Variants in RBFOX1 observed in about 807,000 individuals in gnomAD.
RBFOX1 encodes the protein RNA binding protein fox-1 homolog 1.
RBFOX1 carries 8 observed loss-of-function variants against 57.7 expected under a neutral mutation model. The ratio of observed to expected loss-of-function variants is 0.14; its 90% CI spans 0.08 to 0.25. The LOEUF is 0.25. Ranked by LOEUF, RBFOX1 falls within the 10% of genes least tolerant of loss-of-function variation. The pLI is 1.00. For synonymous variants in RBFOX1, 326 were observed against 222.4 expected (o/e 1.47, Z -4.15); for missense variants, 611 against 548.5 (o/e 1.11, Z -1.14).
chr16:5,677,970 C>G (rs955511956), intron 3 of RBFOX1, among the ~76,000 whole-genome samples: 1 of 152,218 alleles, frequency 6.6e-6, no homozygotes, highest in Non-Finnish European at 1.5e-5. Context: ...GTCAGATGCT[C>G]ATGGTGGAGC....
intron 3 of RBFOX1, among the ~76,000 whole-genome samples, chr16:6,819,254 C>T (rs2090785317): frequency 1.3e-5 from 2 of 152,192 alleles, no homozygotes; most frequent in African/African-American, 4.8e-5. Context: ...CATCATTTAA[C>T]TTTGTGTCTC....
At chr16:6,881,688 T>G (rs1214922561) in intron 3 of RBFOX1, among the ~76,000 whole-genome samples, 1 of 152,194 alleles carries the variant, frequency 6.6e-6, no homozygotes, top group Non-Finnish European at 1.5e-5. Flanking sequence ...AGTTAAGACT[T>G]CAACGTCTTA....
At chr16:7,360,482 C>G (rs927077941) in intron 4 of RBFOX1, among the ~76,000 whole-genome samples, 4 of 152,112 alleles carry the variant, frequency 2.6e-5, no homozygotes, top group Non-Finnish European at 4.4e-5. Flanking sequence ...TCTTGAAAAA[C>G]TCACATAACC....
intron 4 of RBFOX1, among the ~76,000 whole-genome samples, chr16:5,937,537 C>A (rs940168441): frequency 2.3e-4 from 35 of 151,528 alleles, no homozygotes; most frequent in Middle Eastern, 3.4e-3. Context: ...TATATAGTTA[C>A]ATATTTATAT....
At chr16:6,617,286 C>A (rs1196651980) in intron 2 of RBFOX1, among the ~76,000 whole-genome samples, 2 of 151,816 alleles carry the variant, frequency 1.3e-5, no homozygotes, top group South Asian at 4.2e-4. Flanking sequence ...GGAAAGGGAA[C>A]CTGATCTTCC....
chr16:6,467,755 G>C (rs2153075081), intron 2 of RBFOX1, among the ~76,000 whole-genome samples: 1 of 152,306 alleles, frequency 6.6e-6, no homozygotes, highest in South Asian at 2.1e-4. Flanking sequence ...GTAAGGATTA[G>C]ACCTCATCTG....
intron 3 of RBFOX1, among the ~76,000 whole-genome samples, chr16:5,615,242 G>A (rs1460308033): frequency 6.6e-6 from 1 of 152,104 alleles, no homozygotes. Flanking sequence ...TGTTGCCCAG[G>A]CTTGTCTCTA....
At chr16:6,831,379 A>T (rs1470939695) in intron 3 of RBFOX1, among the ~76,000 whole-genome samples, 2 of 152,206 alleles carry the variant, frequency 1.3e-5, no homozygotes, top group African/African-American at 2.4e-5. Flanking sequence ...CTGAGTTAAC[A>T]TATTTTAGTT....
chr16:5,394,457 T>C (rs2066494640), intron 1 of RBFOX1, among the ~76,000 whole-genome samples: 1 of 152,208 alleles, frequency 6.6e-6, no homozygotes, highest in South Asian at 2.1e-4. Context: ...TTATATCATC[T>C]GGCTCTTCGC....
chr16:7,158,604 C>G (rs1170304033), intron 4 of RBFOX1, among the ~76,000 whole-genome samples: 1 of 151,534 alleles, frequency 6.6e-6, no homozygotes, highest in East Asian at 1.9e-4. Flanking sequence ...TGTCCTGTGA[C>G]CATGTGTTTG....
Position 6,010,797 on chromosome 16 carries a change from C to T in RBFOX1, c.351+143462C>T, listed in dbSNP as rs139293593. ...ACATTTTATCCATTTATTTATATTGCCCTCATATTATCTACTTTATAGTCC... is the reference window on the plus strand; with the variant it reads ...ACATTTTATCCATTTATTTATATTGTCCTCATATTATCTACTTTATAGTCC... On this transcript the variant is annotated intron_variant, in intron 4 of 19. Coordinates refer to the RBFOX1 transcript ENST00000641259. 2.3e-3 allele frequency among the ~76,000 whole-genome samples: 356 copies of T among 152,250 alleles called. 3 individuals are homozygous for T. The highest frequency in any genetic ancestry group is 0.012 in the East Asian group (61 of 5,182).
At chr16:6,726,018 C>G (rs1014597216) in intron 3 of RBFOX1, among the ~76,000 whole-genome samples, 1 of 152,120 alleles carries the variant, frequency 6.6e-6, no homozygotes, top group East Asian at 1.9e-4. Context: ...GCAAATCACC[C>G]TTTCTGTCTC....
chr16:6,664,102 TC>T (rs1194537517), intron 3 of RBFOX1, among the ~76,000 whole-genome samples: 1 of 152,214 alleles, frequency 6.6e-6, no homozygotes, highest in African/African-American at 2.4e-5. Context: ...GTCTACTTGC[TC>T]ATAGATCATG....
intron 2 of RBFOX1, among the ~76,000 whole-genome samples, chr16:6,530,988 G>T (rs765844229): frequency 3.3e-5 from 5 of 152,154 alleles, no homozygotes; most frequent in African/African-American, 9.7e-5. Context: ...CCTGGTGTCT[G>T]TTCCAACCAT....
chr16:6,888,946 C>G (rs1216888237), intron 3 of RBFOX1, among the ~76,000 whole-genome samples: 1 of 152,170 alleles, frequency 6.6e-6, no homozygotes, highest in Non-Finnish European at 1.5e-5. Context: ...TAATCACTTA[C>G]TTACTGTAGG....
chr16:6,405,759 A>C (rs1234123718), intron 2 of RBFOX1, among the ~76,000 whole-genome samples: 1 of 152,224 alleles, frequency 6.6e-6, no homozygotes, highest in Non-Finnish European at 1.5e-5. Flanking sequence ...GGAACTAGCC[A>C]CTTTACACAT....
At chr16:6,331,782 A>AG (rs1013402319) in intron 2 of RBFOX1, among the ~76,000 whole-genome samples, 1 of 150,626 alleles carries the variant, frequency 6.6e-6, no homozygotes, top group Non-Finnish European at 1.5e-5. Context: ...AAAAAAAAAA[A>AG]TTGTATTTAT....
intron 4 of RBFOX1, among the ~76,000 whole-genome samples, chr16:7,201,452 C>CTTTTTTTTTT: frequency 6.8e-6 from 1 of 146,050 alleles, no homozygotes; most frequent in Non-Finnish European, 1.5e-5. Flanking sequence ...CGATCTGATT[C>CTTTTTTTTTT]TTTTTTTTTT....
At chr16:6,686,943 C>T (rs1346574064) in intron 3 of RBFOX1, among the ~76,000 whole-genome samples, 1 of 152,276 alleles carries the variant, frequency 6.6e-6, no homozygotes, top group East Asian at 1.9e-4. Context: ...TATATAGATT[C>T]TGCTCGTAAT....
Sources: allele counts gnomAD v4.1 joint callset (sites outside exome capture counted in the v4.1 genomes callset), GRCh38; gene constraint gnomAD v4.1.1; transcripts MANE v1.5; gene names NCBI Gene and HGNC (gene_info 2026-07-23, HGNC 2026-07-21).